The following PTCH1 variants were observed in gnomAD, a reference collection of about 807,000 sequenced individuals.
PTCH1 encodes patched 1.
PTCH1 carries 14 observed loss-of-function variants against 144.6 expected under a neutral mutation model. The observed-to-expected ratio is 0.10, with a 90% confidence interval of 0.06 to 0.15. The LOEUF (loss-of-function observed/expected upper bound fraction) is 0.15, where lower values mean the gene tolerates loss of function less well. PTCH1 is among the 10% of genes least tolerant of loss of function. The pLI, the probability that PTCH1 is intolerant of heterozygous loss-of-function variation, is 1.00. For missense variants in PTCH1, 1,623 were observed against 1,948.3 expected (o/e 0.83, Z 3.14); for synonymous variants, 833 against 793.6 (o/e 1.05, Z -0.83).
rs2118332323 is a variant in PTCH1 at position 95,478,100 on chromosome 9, G to A, written c.1302C>T (p.Phe434=). 4 of 1,614,192 alleles carry A rather than the reference G, an allele frequency of 2.5e-6. No individual in the cohort carries two copies. The highest frequency in any genetic ancestry group is 3.4e-6 in the Non-Finnish European group (4 of 1,180,046). The change falls in exon 9 of 24, where the codon TTC becomes TTT. Residue 434 remains phenylalanine, a synonymous_variant. Coordinates refer to ENST00000331920, the MANE Select transcript of PTCH1 (RefSeq NM_000264.5). The part of the protein sequence containing the change: ...TTTLDDILKS[F]SDVSVIRVAS... Reference sequence around the variant, plus strand: ...CCACGCGGATGACACTGACGTCAGAGAAGGATTTCAGGATGTCGTCCAGGG... The same window carrying A: ...CCACGCGGATGACACTGACGTCAGAAAAGGATTTCAGGATGTCGTCCAGGG...
intron 23 of PTCH1, 46 bp from the exon 24 acceptor site, chr9:95,446,437 G>A (rs532516217): frequency 1.2e-4 from 64 of 518,026 alleles, no homozygotes; most frequent in African/African-American, 1.1e-3. Context: ...TAAGAGGTGT[G>A]CAAGTCCGTA....
chr9:95,454,191 C>T (rs1838717174), intron 19 of PTCH1, among the ~76,000 whole-genome samples: 1 of 152,224 alleles, frequency 6.6e-6, no homozygotes, highest in African/African-American at 2.4e-5. Flanking sequence ...GGACACATCC[C>T]TGTCTCTCCT....
intron 7 of PTCH1, among the ~76,000 whole-genome samples, 172 bp from the exon 8 acceptor site, chr9:95,479,319 G>A (rs1174462312): frequency 6.6e-6 from 1 of 152,108 alleles, no homozygotes; most frequent in East Asian, 1.9e-4. Context: ...TTAATAGATT[G>A]ATGTACCATA....
intron 2 of PTCH1, among the ~76,000 whole-genome samples, chr9:95,496,353 C>G (rs1329673919): frequency 6.6e-6 from 1 of 152,094 alleles, no homozygotes; most frequent in Non-Finnish European, 1.5e-5. Flanking sequence ...TACATTCAGG[C>G]CTCAGAAAAA....
At position 95,479,077 on chromosome 9, in the gene PTCH1, C is replaced by T. The variant is rs772903899; in HGVS notation, c.1138G>A (p.Glu380Lys). 31 of 1,614,022 alleles carry T rather than the reference C, an allele frequency of 1.9e-5. No individual in the cohort carries two copies. The highest frequency in any genetic ancestry group is 2.5e-5 in the Non-Finnish European group (29 of 1,180,040). Residue 380 changes from glutamate to lysine, a missense_variant, in exon 8 of 24, where the codon GAG (glutamate) becomes AAG (lysine). Around this residue, in one of 7 missense-constraint regions of PTCH1, gnomAD observed 230 missense variants for 271.0 expected, o/e 0.85. Coordinates refer to ENST00000331920, the MANE Select transcript of PTCH1 (RefSeq NM_000264.5). ...TTCCAGTTGATGTGTGAGACATACT[C>T]GTACCCCTTGAAGTGCTCGTACATT... Reference protein sequence around the residue: ...KQMYEHFKGYEYVSHINWNED... With the variant: ...KQMYEHFKGYKYVSHINWNED...
chr9:95,475,224 G>A (rs1175812122), intron 12 of PTCH1, among the ~76,000 whole-genome samples: 1 of 152,148 alleles, frequency 6.6e-6, no homozygotes, highest in African/African-American at 2.4e-5. Context: ...CCATCCCAGG[G>A]AACTGTCCAT....
chr9:95,447,424 G>A lies in PTCH1; in HGVS notation c.3832C>T (p.Pro1278Ser). 1.9e-6 allele frequency: 3 copies of A among 1,599,594 alleles called. No homozygotes were observed. Among genetic ancestry groups the A allele is most frequent in the East Asian group, 4.5e-5 (2 of 44,712 alleles). The part of the protein sequence containing the change: ...TVVHPESRHH[P>S]PSNPRQQPHL... Reference sequence around the variant, plus strand: ...GGCTGCTGTCTCGGGTTCGAGGGTGGGTGATGCCTGGATTCGGGATGGACC... The same window carrying A: ...GGCTGCTGTCTCGGGTTCGAGGGTGAGTGATGCCTGGATTCGGGATGGACC... The change falls in exon 23 of 24, where the codon CCA becomes TCA. Residue 1278 changes from proline (P) to serine (S), a missense_variant. Physicochemically the swap from Pro to Ser is moderately conservative, Grantham distance 74. This residue lies in a region of PTCH1 where 291 missense variants were observed against 287.4 expected (regional missense o/e 1.01). Coordinates refer to ENST00000331920, the MANE Select transcript of PTCH1 (RefSeq NM_000264.5).
At position 95,469,918 on chromosome 9, in the gene PTCH1, A is replaced by G. The variant is rs777030659; in HGVS notation, c.1742T>C (p.Val581Ala). 2 of 1,613,886 alleles carry G rather than the reference A, an allele frequency of 1.2e-6. No individual in the cohort carries two copies. The highest frequency in any genetic ancestry group is 1.7e-6 in the Non-Finnish European group (2 of 1,179,856). Residue 581 changes from valine (V) to alanine (A), a missense_variant, in exon 13 of 24, where the codon GTG becomes GCG. Physicochemically the swap from Val to Ala is moderately conservative, Grantham distance 64. Coordinates refer to ENST00000331920, the MANE Select transcript of PTCH1 (RefSeq NM_000264.5). ...CAGAACCATGGCAAAATTGAACACC[A>G]CTACTACCGCTGCCTGGGAGCAGAA... ...RAFSLQAAVV[V>A]VFNFAMVLLI... is the part of the protein sequence containing the mutation.
chr9:95,506,266 C>CAAACAAT, intron 2 of PTCH1, 141 bp downstream of exon 2: 1 of 1,029,376 alleles, frequency 9.7e-7, no homozygotes, highest in East Asian at 2.7e-5. Context: ...GCCAGGCGCC[C>CAAACAAT]AAACAATAAA....
rs570610004 is a variant in PTCH1 at position 95,477,954 on chromosome 9, G to A, written c.1347+101C>T. Reference sequence around the variant, plus strand: ...GCTCTCTCTGTCCTGGATGCACATCGATGTTAAGAGCAGTTAAGAAGCAGG... The same window carrying A: ...GCTCTCTCTGTCCTGGATGCACATCAATGTTAAGAGCAGTTAAGAAGCAGG... On this transcript the variant is annotated intron_variant, in intron 9 of 23. Coordinates refer to ENST00000331920, the MANE Select transcript of PTCH1 (RefSeq NM_000264.5). 1.6e-5 allele frequency: 25 copies of A among 1,579,208 alleles called. No individual in the cohort carries two copies. The East Asian group carries it at 2.5e-4, about 16-fold the overall frequency.
Position 95,508,519 on chromosome 9 carries a change from C to T in PTCH1, c.-158G>A. ...CGGGCTCGGGCTCCGGTTGACAGAC[C>T]AGCCGCTGCTGCTGCTCACACGGCG... On this transcript the variant is annotated 5_prime_UTR_variant, in exon 1 of 24. Transcript: ENST00000331920. 9.8e-7 allele frequency: 1 copy of T among 1,015,492 alleles called. No homozygotes were observed. Among genetic ancestry groups the T allele is most frequent in the Non-Finnish European group, 1.2e-6 (1 of 849,528 alleles). 62.9% of individuals were successfully genotyped at this position (1,015,492 alleles called of 1,614,324 possible). A position where few individuals can be genotyped will look rare whatever the true frequency, so the allele number is the denominator to read the frequency against.
At chr9:95,507,929 C>T (rs561896130) in intron 1 of PTCH1, 84 of 1,429,726 alleles carry the variant, frequency 5.9e-5, no homozygotes, top group Non-Finnish European at 7.4e-5. Context: ...CGCACACACA[C>T]ACACCTCCAC....
intron 2 of PTCH1, among the ~76,000 whole-genome samples, chr9:95,496,841 CT>C (rs1352202339): frequency 2.6e-5 from 4 of 151,492 alleles, no homozygotes; most frequent in Non-Finnish European, 5.9e-5. Context: ...TAGAAAGCCT[CT>C]ATTTAAAAAG....
chr9:95,508,332 G>C lies in PTCH1; in HGVS notation c.30C>G (p.Pro10=), dbSNP rs1179684017. Residue 10 remains proline (P), a synonymous_variant, in exon 1 of 24, where the codon CCC becomes CCG. Transcript: ENST00000331920. MASAGNAAE[P]QDRGGGGSGC... ...CGCTGCCGCCGCCGCCGCGGTCCTG[G>C]GGCTCGGCGGCGTTACCAGCCGAGG... 7.8e-7 allele frequency: 1 copy of C among 1,277,776 alleles called. No individual in the cohort carries two copies. The highest frequency in any genetic ancestry group is 2.6e-5 in the South Asian group (1 of 37,832). The allele number at this position is 1,277,776 out of a possible 1,614,324, so 79.2% of individuals were successfully genotyped here.
chr9:95,488,229 A>G (rs1231723192), intron 2 of PTCH1, among the ~76,000 whole-genome samples: 1 of 152,236 alleles, frequency 6.6e-6, no homozygotes, highest in African/African-American at 2.4e-5. Flanking sequence ...GTATATTTAC[A>G]TAAACATTTT....
In PTCH1 at chr9:95,508,868, C is replaced by T; in HGVS notation, c.-507G>A. 9 of 974,308 alleles carry T rather than the reference C, an allele frequency of 9.2e-6. No homozygotes were observed. Among genetic ancestry groups the T allele is most frequent in the Non-Finnish European group, 1.1e-5 (9 of 820,826 alleles). 60.4% of individuals were successfully genotyped at this position (974,308 alleles called of 1,614,324 possible). On this transcript the variant is annotated 5_prime_UTR_variant, in exon 1 of 24. Transcript: ENST00000331920. ...GGGTCGCCCGAGCGGCCGCGGAGGG[C>T]AAGCGCAGAGCCGCCGCCGCCGCGG... is the stretch of plus-strand genomic sequence containing the variant.
chr9:95,469,880 C>T lies in PTCH1; in HGVS notation c.1780G>A (p.Ala594Thr), dbSNP rs2118093961. Residue 594 changes from alanine (A) to threonine (T), a missense_variant, in exon 13 of 24, where the codon GCA (alanine) becomes ACA (threonine). Coordinates refer to ENST00000331920, the MANE Select transcript of PTCH1 (RefSeq NM_000264.5). ...CGATATAAATCCATGCTGAGAATTGCAGGAAAAATGAGCAGAACCATGGCA... is the reference window on the plus strand; with the variant it reads ...CGATATAAATCCATGCTGAGAATTGTAGGAAAAATGAGCAGAACCATGGCA... ...NFAMVLLIFP[A>T]ILSMDLYRRE... is the part of the protein sequence containing the mutation. 6.2e-7 allele frequency: 1 copy of T among 1,614,112 alleles called. No individual in the cohort carries two copies. Among genetic ancestry groups the T allele is most frequent in the Non-Finnish European group, 8.5e-7 (1 of 1,180,030 alleles).
chr9:95,486,999 T>C (rs1167523824), intron 2 of PTCH1, among the ~76,000 whole-genome samples: 3 of 152,198 alleles, frequency 2.0e-5, no homozygotes, highest in East Asian at 3.8e-4. Context: ...TCAGTGATCA[T>C]AGCTTTCCCA....
chr9:95,491,890 A>C (rs2118661244), intron 2 of PTCH1, among the ~76,000 whole-genome samples: 1 of 152,352 alleles, frequency 6.6e-6, no homozygotes, highest in South Asian at 2.1e-4. Context: ...ACAACTGCAC[A>C]AAAAGTTAAC....
Sources: allele counts gnomAD v4.1 joint callset (sites outside exome capture counted in the v4.1 genomes callset), GRCh38; gene constraint gnomAD v4.1.1; regional missense constraint gnomAD v4.1.1; transcripts MANE v1.5; gene names NCBI Gene and HGNC (gene_info 2026-07-23, HGNC 2026-07-21).